The following NRF1 variants were observed in gnomAD, a reference collection of about 807,000 sequenced individuals.
NRF1 encodes the protein nuclear respiratory factor 1.
A neutral mutation model predicts 58.5 loss-of-function variants in NRF1; 5 were observed. The observed-to-expected ratio is 0.09, with a 90% CI of 0.04 to 0.18. The LOEUF (loss-of-function observed/expected upper bound fraction) is 0.18, where lower values mean the gene tolerates loss of function less well. Among genes scored for constraint, NRF1 ranks in the 10% least tolerant of loss-of-function variants. The pLI, the probability that NRF1 is intolerant of heterozygous loss-of-function variation, is 1.00. For synonymous variants in NRF1, 224 were observed against 246.7 expected (o/e 0.91, Z 0.86); for missense variants, 288 against 657.7 (o/e 0.44, Z 6.15).
chr7:129,640,382 G>A (rs750591280), intron 1 of NRF1, among the ~76,000 whole-genome samples: 1 of 151,984 alleles, frequency 6.6e-6, no homozygotes, highest in Non-Finnish European at 1.5e-5. Flanking sequence ...GCTGGGCGTG[G>A]TGGCTCCCGT....
At position 129,717,455 on chromosome 7, in the gene NRF1, A is replaced by G. The variant is rs180884027; in HGVS notation, c.1223+79A>G. ...ATGGGTGGAGGCCCCTTAAAGAGAA[A>G]TGTGTCTCTGTTTGCCACAGTTGGC... On this transcript the variant is annotated intron_variant, in intron 9 of 10. Transcript: ENST00000393232. 9.4e-5 allele frequency: 137 copies of G among 1,451,612 alleles called. 1 individual carries two copies. The African/African-American group carries it at 1.8e-3, about 19-fold the overall frequency. The allele number at this position is 1,451,612 out of a possible 1,614,324, so 89.9% of individuals were successfully genotyped here. A position where few individuals can be genotyped will look rare whatever the true frequency, so the allele number is the denominator to read the frequency against.
intron 2 of NRF1, 35 bp from the exon 3 acceptor site, chr7:129,671,394 G>A: frequency 7.3e-7 from 1 of 1,362,568 alleles, no homozygotes; most frequent in South Asian, 1.2e-5. Flanking sequence ...TTTACAGGCA[G>A]CTGCCTAATC....
At chr7:129,706,831 C>T (rs1220033841) in intron 5 of NRF1, among the ~76,000 whole-genome samples, 1 of 152,100 alleles carries the variant, frequency 6.6e-6, no homozygotes, top group Non-Finnish European at 1.5e-5. Flanking sequence ...AAGCGATCAC[C>T]AGAATTAGGG....
chr7:129,703,054 G>A (rs972433554), intron 5 of NRF1, among the ~76,000 whole-genome samples: 11 of 152,122 alleles, frequency 7.2e-5, no homozygotes, highest in African/African-American at 1.9e-4. Flanking sequence ...TGGATAAGAC[G>A]TTTTAGAGTT....
At chr7:129,615,109 A>T (rs1800633856) in intron 1 of NRF1, among the ~76,000 whole-genome samples, 1 of 152,234 alleles carries the variant, frequency 6.6e-6, no homozygotes, top group Non-Finnish European at 1.5e-5. Flanking sequence ...TTGAAAAGGC[A>T]TGCTGATTTT....
At chr7:129,664,702 C>T (rs1801881301) in intron 2 of NRF1, among the ~76,000 whole-genome samples, 1 of 152,168 alleles carries the variant, frequency 6.6e-6, no homozygotes, top group African/African-American at 2.4e-5. Flanking sequence ...GTGTTAAGAC[C>T]AGGCAAAGAC....
intron 1 of NRF1, among the ~76,000 whole-genome samples, chr7:129,656,471 A>G (rs1801658653): frequency 6.6e-6 from 1 of 152,032 alleles, no homozygotes; most frequent in Non-Finnish European, 1.5e-5. Flanking sequence ...AGTGGAGATT[A>G]TAAGTGTAAT....
intron 4 of NRF1, among the ~76,000 whole-genome samples, chr7:129,683,206 G>A (rs946172893): frequency 5.3e-5 from 8 of 151,864 alleles, no homozygotes; most frequent in African/African-American, 1.9e-4. Flanking sequence ...CCTGGCCCCA[G>A]AGAATATTTT....
At chr7:129,635,778 G>C (rs1389602586) in intron 1 of NRF1, among the ~76,000 whole-genome samples, 1 of 152,052 alleles carries the variant, frequency 6.6e-6, no homozygotes, top group African/African-American at 2.4e-5. Flanking sequence ...AGTGATGGGA[G>C]AACTCACTGC....
At position 129,684,552 on chromosome 7, in the gene NRF1, A is replaced by G. The variant is rs994977804; in HGVS notation, c.466-5854A>G. Among the ~76,000 whole-genome samples the G allele has an allele frequency of 5.9e-5, 9 of 152,210 alleles. 1 individual carries two copies. The highest frequency in any genetic ancestry group is 1.2e-4 in the Non-Finnish European group (8 of 68,028). ...TCCCTCAAAGAGACCCTAGGCCCCA[A>G]TTATTTTGGTTGACTTCTGTTAAAC... On this transcript the variant is annotated intron_variant, in intron 4 of 10. Transcript: ENST00000393232.
At chr7:129,666,750 C>G (rs1185862514) in intron 2 of NRF1, among the ~76,000 whole-genome samples, 2 of 152,094 alleles carry the variant, frequency 1.3e-5, no homozygotes, top group Non-Finnish European at 2.9e-5. Flanking sequence ...AGGCTGGTCT[C>G]GAACTCCTGA....
chr7:129,626,352 T>C (rs1007408473), intron 1 of NRF1, among the ~76,000 whole-genome samples: 3 of 152,134 alleles, frequency 2.0e-5, no homozygotes, highest in Non-Finnish European at 4.4e-5. Flanking sequence ...GGCTCCGATT[T>C]TTTTTGCGTT....
Position 129,683,465 on chromosome 7 carries a change from G to T in NRF1, c.465+5707G>T, listed in dbSNP as rs1802374542. Reference sequence around the variant, plus strand: ...CTGCTTCAGCCTCCTGAGTAGCTGGGATTACAGGTGCGTGCCACCATGCCC... The same window carrying T: ...CTGCTTCAGCCTCCTGAGTAGCTGGTATTACAGGTGCGTGCCACCATGCCC... On this transcript the variant is annotated intron_variant, in intron 4 of 10. Transcript: ENST00000393232. Among the ~76,000 whole-genome samples, 6 of 151,232 alleles carry T rather than the reference G, an allele frequency of 4.0e-5. No individual in the cohort carries two copies. In the South Asian group the frequency reaches 1.3e-3, roughly 32 times the overall value.
intron 1 of NRF1, among the ~76,000 whole-genome samples, chr7:129,625,609 TC>T (rs1018899154): frequency 5.9e-5 from 9 of 151,688 alleles, no homozygotes; most frequent in Non-Finnish European, 1.2e-4. Context: ...CGGGCAGTCT[TC>T]CTGTGTTAGC....
intron 9 of NRF1, among the ~76,000 whole-genome samples, chr7:129,722,465 A>G (rs1349726081): frequency 6.6e-6 from 1 of 152,130 alleles, no homozygotes; most frequent in African/African-American, 2.4e-5. Flanking sequence ...AAAAGGTTAG[A>G]ATCACTCTGG....
chr7:129,709,580 T>C (rs1803023736), intron 6 of NRF1, among the ~76,000 whole-genome samples: 1 of 152,142 alleles, frequency 6.6e-6, no homozygotes, highest in African/African-American at 2.4e-5. Flanking sequence ...TTACTAAAAA[T>C]CATTGTTGAA....
Position 129,754,464 on chromosome 7 carries a change from TAAAA to T in NRF1, c.1349-538_1349-535del, listed in dbSNP as rs57595268. On this transcript the variant is annotated intron_variant, in intron 10 of 10. Transcript: ENST00000393232. ...GGCTACAGAGCCAGACCCTGTCTCT[TAAAA>T]AAAAAAAAAAAAAAAGTTAAAATGG... 9.8e-4 allele frequency among the ~76,000 whole-genome samples: 50 copies of T among 51,210 alleles called. 1 individual carries two copies. In the Admixed American group the frequency reaches 0.012, roughly 13 times the overall value. The allele number at this position is 51,210 out of a possible 152,430, so 33.6% of individuals were successfully genotyped here.
At chr7:129,644,980 C>T (rs1473102085) in intron 1 of NRF1, among the ~76,000 whole-genome samples, 4 of 151,096 alleles carry the variant, frequency 2.6e-5, no homozygotes, top group Non-Finnish European at 5.9e-5. Flanking sequence ...ATTAAGAACT[C>T]TATGATAGAG....
At chr7:129,639,535 C>T (rs1168997814) in intron 1 of NRF1, among the ~76,000 whole-genome samples, 1 of 135,854 alleles carries the variant, frequency 7.4e-6, no homozygotes, top group Non-Finnish European at 1.5e-5. Context: ...AGCCCCTTGT[C>T]CCCACAACCC....
Sources: gnomAD v4.1 joint callset for allele counts (sites outside exome capture counted in the v4.1 genomes callset) on GRCh38, gnomAD v4.1.1 for gene constraint, MANE v1.5 for transcripts, NCBI Gene and HGNC (gene_info 2026-07-23, HGNC 2026-07-21) for gene names.